The following TBCE variants were observed in gnomAD, a reference collection of about 807,000 sequenced individuals.
The protein encoded by TBCE is tubulin-specific chaperone E.
A neutral mutation model predicts 77.0 loss-of-function variants in TBCE; 53 were observed. The observed-to-expected ratio is 0.69, with a 90% confidence interval of 0.55 to 0.87. The LOEUF is 0.87. TBCE is among the 40% of genes least tolerant of loss of function. TBCE has a pLI of 0.00. For synonymous variants in TBCE, 235 were observed against 241.3 expected (o/e 0.97, Z 0.24); for missense variants, 624 against 622.4 (o/e 1.00, Z -0.03).
chr1:235,414,881 C>T (rs972348642), intron 4 of TBCE: 7 of 420,072 alleles, frequency 1.7e-5, no homozygotes, highest in Middle Eastern at 1.5e-3. Flanking sequence ...CATATTATCT[C>T]GTGTTGACTA....
intron 3 of TBCE, among the ~76,000 whole-genome samples, chr1:235,405,320 CTTTTTT>C (rs34897905): frequency 7.1e-6 from 1 of 141,000 alleles, no homozygotes; most frequent in African/African-American, 2.6e-5. Context: ...TTACAATTAA[CTTTTTT>C]TTTTTTTTTT....
intron 12 of TBCE, 44 bp downstream of exon 12, chr1:235,437,518 TAAA>T (rs781361246): frequency 3.0e-5 from 48 of 1,609,554 alleles, no homozygotes; most frequent in Non-Finnish European, 4.0e-5. Flanking sequence ...GACTAGAAAA[TAAA>T]TGATTTTAGG....
intron 3 of TBCE, among the ~76,000 whole-genome samples, chr1:235,413,619 C>T (rs534492616): frequency 4.0e-5 from 6 of 149,742 alleles, no homozygotes; most frequent in Middle Eastern, 3.2e-3. Flanking sequence ...GTCAAGATTG[C>T]GCCACTGCAC....
intron 3 of TBCE, among the ~76,000 whole-genome samples, chr1:235,405,534 G>T (rs1175863543): frequency 6.6e-6 from 1 of 151,686 alleles, no homozygotes; most frequent in Non-Finnish European, 1.5e-5. Flanking sequence ...TACTGGGAAG[G>T]TTGAGGCATG....
chr1:235,412,618 C>G (rs1427362494), intron 3 of TBCE, among the ~76,000 whole-genome samples: 2 of 151,772 alleles, frequency 1.3e-5, no homozygotes, highest in African/African-American at 4.8e-5. Context: ...AGCCCACACT[C>G]TCTAAGTTTC....
At chr1:235,380,873 C>T (rs1349920775) in intron 2 of TBCE, among the ~76,000 whole-genome samples, 1 of 152,086 alleles carries the variant, frequency 6.6e-6, no homozygotes, top group East Asian at 1.9e-4. Flanking sequence ...GCAACCTCTG[C>T]CTCCTGGGTT....
chr1:235,414,626 G>C lies in TBCE; in HGVS notation c.371+8G>C, dbSNP rs1241575023. ...TATTATGAAACAGCAAAGGTAAGTG[G>C]AGTTTATAACGGCAGAGCTGACTTT... On this transcript the variant is annotated splice_region_variant and intron_variant, in intron 4 of 16. Coordinates refer to ENST00000642610, the MANE Select transcript of TBCE (RefSeq NM_003193.5). 3.1e-6 allele frequency: 5 copies of C among 1,613,092 alleles called. No individual in the cohort carries two copies. The highest frequency in any genetic ancestry group is 4.2e-6 in the Non-Finnish European group (5 of 1,179,714).
At chr1:235,414,395 G>A (rs1409795270) in intron 3 of TBCE, 38 bp from the exon 4 acceptor site, 2 of 1,604,860 alleles carry the variant, frequency 1.2e-6, no homozygotes, top group Non-Finnish European at 1.7e-6. Flanking sequence ...TTCTTGGTGG[G>A]TAATATTTTC....
In TBCE at chr1:235,401,588, G is replaced by A. The variant is rs149137073; in HGVS notation, c.185+1G>A. 15 of 1,612,446 alleles carry A rather than the reference G, an allele frequency of 9.3e-6. No homozygotes were observed. Among genetic ancestry groups the A allele is most frequent in the Non-Finnish European group, 1.3e-5 (15 of 1,178,860 alleles). On this transcript the variant is annotated splice_donor_variant, in intron 3 of 16. Coordinates refer to ENST00000642610, the MANE Select transcript of TBCE (RefSeq NM_003193.5). LOFTEE classifies it high-confidence loss of function. Reference sequence around the variant, plus strand: ...AAGGGACTGTGTATTTTAAATGCAGGTAACTTTTCATTATGAATCAGCACG... The same window carrying A: ...AAGGGACTGTGTATTTTAAATGCAGATAACTTTTCATTATGAATCAGCACG...
At chr1:235,412,323 T>A (rs1428578145) in intron 3 of TBCE, among the ~76,000 whole-genome samples, 1 of 129,750 alleles carries the variant, frequency 7.7e-6, no homozygotes, top group Non-Finnish European at 1.6e-5. Context: ...CTTCACCTCC[T>A]GGGCTCAAGC....
At chr1:235,425,038 G>T (rs1036525770) in intron 5 of TBCE, among the ~76,000 whole-genome samples, 1 of 152,176 alleles carries the variant, frequency 6.6e-6, no homozygotes, top group African/African-American at 2.4e-5. Flanking sequence ...CCAAGGCTCA[G>T]ACTTGGGAGC....
At chr1:235,428,425 C>T (rs920208720) in intron 6 of TBCE, among the ~76,000 whole-genome samples, 1 of 152,146 alleles carries the variant, frequency 6.6e-6, no homozygotes, top group African/African-American at 2.4e-5. Flanking sequence ...TGTTTTCCAT[C>T]TTCTTTCTCT....
chr1:235,416,877 C>T (rs1680142502), intron 4 of TBCE, among the ~76,000 whole-genome samples: 1 of 152,168 alleles, frequency 6.6e-6, no homozygotes, highest in South Asian at 2.1e-4. Flanking sequence ...GGTTCAGCCG[C>T]CAGCTAAGGC....
intron 5 of TBCE, among the ~76,000 whole-genome samples, chr1:235,421,781 A>G (rs1680412931): frequency 6.6e-6 from 1 of 152,206 alleles, no homozygotes; most frequent in South Asian, 2.1e-4. Flanking sequence ...TCCCCAATTC[A>G]TTAAGTCTGT....
Position 235,412,926 on chromosome 1 carries a change from C to T in TBCE, c.186-1507C>T, listed in dbSNP as rs1679896797. ...TCAAGTGATTCTCCTGCCTCAGCCTCCCCAGTAGCTGGGATTATAGGCATG... is the reference window on the plus strand; with the variant it reads ...TCAAGTGATTCTCCTGCCTCAGCCTTCCCAGTAGCTGGGATTATAGGCATG... On this transcript the variant is annotated intron_variant, in intron 3 of 16. Transcript: ENST00000642610. Among the ~76,000 whole-genome samples the T allele has an allele frequency of 2.0e-5, 3 of 152,244 alleles. 1 individual carries two copies. The South Asian group carries it at 6.2e-4, about 32-fold the overall frequency.
intron 11 of TBCE, among the ~76,000 whole-genome samples, 164 bp from the exon 12 acceptor site, chr1:235,437,158 A>C (rs545329469): frequency 6.6e-6 from 1 of 152,068 alleles, no homozygotes; most frequent in East Asian, 1.9e-4. Flanking sequence ...ACAAAAAACA[A>C]CAGTAAAAGT....
At chr1:235,375,497 G>A (rs1443581363) in intron 1 of TBCE, among the ~76,000 whole-genome samples, 1 of 152,040 alleles carries the variant, frequency 6.6e-6, no homozygotes, top group Non-Finnish European at 1.5e-5. Flanking sequence ...GGCTGGGGGT[G>A]GGGGAGTGAT....
At chr1:235,394,418 C>CCTT (rs755273702) in intron 2 of TBCE, among the ~76,000 whole-genome samples, 1 of 72,314 alleles carries the variant, frequency 1.4e-5, no homozygotes, top group Non-Finnish European at 2.4e-5. Flanking sequence ...TTGATAATTT[C>CCTT]TTTTTTTTTT....
At chr1:235,433,228 AT>A in intron 7 of TBCE, 9 of 1,255,878 alleles carry the variant, frequency 7.2e-6, no homozygotes, top group Non-Finnish European at 9.1e-6. Context: ...CATCTCAACT[AT>A]TTGGTTTTTG....
Sources: allele counts gnomAD v4.1 joint callset (sites outside exome capture counted in the v4.1 genomes callset), GRCh38; gene constraint gnomAD v4.1.1; transcripts MANE v1.5; gene names NCBI Gene and HGNC (gene_info 2026-07-23, HGNC 2026-07-21).